The following SAE1 variants were observed in gnomAD, a reference collection of about 807,000 sequenced individuals.
The protein encoded by SAE1 is SUMO1 activating enzyme subunit 1.
A neutral mutation model predicts 40.6 loss-of-function variants in SAE1; 11 were observed. The ratio of observed to expected loss-of-function variants is 0.27; its 90% CI spans 0.17 to 0.45. The LOEUF (loss-of-function observed/expected upper bound fraction) is 0.45. SAE1 is among the 20% of genes least tolerant of loss of function. The probability of loss-of-function intolerance (pLI) is 1.00; values close to 1 mark genes in which losing one functional copy is unlikely to be tolerated. For synonymous variants in SAE1, 155 were observed against 154.3 expected (o/e 1.00, Z -0.03); for missense variants, 373 against 427.3 (o/e 0.87, Z 1.12).
chr19:47,170,697 G>A (rs1262965861), intron 6 of SAE1, among the ~76,000 whole-genome samples: 6 of 151,880 alleles, frequency 4.0e-5, no homozygotes, highest in Admixed American at 1.3e-4. Context: ...TTGTAGAAGC[G>A]AAGTTTCTCC....
intron 5 of SAE1, among the ~76,000 whole-genome samples, chr19:47,169,150 A>G (rs1453415708): frequency 1.3e-5 from 2 of 152,182 alleles, no homozygotes; most frequent in Non-Finnish European, 2.9e-5. Flanking sequence ...TTTGTTTACT[A>G]TTACAAAAAT....
At chr19:47,201,833 A>T (rs1347941718) in intron 7 of SAE1, among the ~76,000 whole-genome samples, 5 of 152,022 alleles carry the variant, frequency 3.3e-5, no homozygotes. Flanking sequence ...GGGTTTCACT[A>T]TGTAGGTCAA....
intron 6 of SAE1, among the ~76,000 whole-genome samples, chr19:47,182,939 A>T (rs773308439): frequency 8.6e-5 from 13 of 152,008 alleles, no homozygotes; most frequent in Non-Finnish European, 8.8e-5. Flanking sequence ...TTTTTTTGAA[A>T]CAGTCTCGTT....
intron 8 of SAE1, among the ~76,000 whole-genome samples, chr19:47,208,579 C>T (rs1414178632): frequency 2.0e-5 from 3 of 152,102 alleles, no homozygotes; most frequent in African/African-American, 4.8e-5. Context: ...TAGCATGCCA[C>T]CATACTCGGC....
intron 1 of SAE1, among the ~76,000 whole-genome samples, chr19:47,132,024 T>G (rs2058147194): frequency 6.6e-6 from 1 of 151,756 alleles, no homozygotes; most frequent in Admixed American, 6.6e-5. Context: ...TGCAGTTGGG[T>G]GACCTCGGTT....
chr19:47,131,159 C>T (rs770181441), intron 1 of SAE1, 131 bp downstream of exon 1: 204 of 1,424,670 alleles, frequency 1.4e-4, no homozygotes, highest in Non-Finnish European at 1.8e-4. Context: ...CTGGGATCGT[C>T]TCTCTCTTGG....
chr19:47,171,812 A>G (rs972567892), intron 6 of SAE1, among the ~76,000 whole-genome samples: 5 of 152,146 alleles, frequency 3.3e-5, no homozygotes, highest in African/African-American at 1.2e-4. Context: ...CATGTTGGCC[A>G]GGCTGGTCTT....
At chr19:47,164,362 T>A (rs2058376957) in intron 5 of SAE1, among the ~76,000 whole-genome samples, 1 of 151,694 alleles carries the variant, frequency 6.6e-6, no homozygotes. Flanking sequence ...TAGAGACGGG[T>A]TTCACCGTGT....
At chr19:47,131,954 G>A (rs1371432977) in intron 1 of SAE1, among the ~76,000 whole-genome samples, 2 of 151,800 alleles carry the variant, frequency 1.3e-5, no homozygotes, top group Non-Finnish European at 2.9e-5. Context: ...ACCCGCCTCG[G>A]CCTCCTGAAG....
rs2058702140 is a variant in SAE1 at position 47,209,385 on chromosome 19, C to T, written c.*134C>T. The T allele has an allele frequency of 3.4e-6, 5 of 1,482,032 alleles. No individual in the cohort carries two copies. The Admixed American group carries it at 6.2e-5, about 19-fold the overall frequency. 91.8% of individuals were successfully genotyped at this position (1,482,032 alleles called of 1,614,324 possible). On this transcript the variant is annotated 3_prime_UTR_variant, in exon 9 of 9. Transcript: ENST00000270225. ...GCCCGATACAAAACATTTCCTGCAA[C>T]GAAGGAGGTGGTGCCGACGTGCTGC...
intron 6 of SAE1, among the ~76,000 whole-genome samples, chr19:47,178,135 G>T (rs979852466): frequency 6.6e-6 from 1 of 152,036 alleles, no homozygotes; most frequent in Admixed American, 6.6e-5. Context: ...CAGCTACTCG[G>T]GAGGGGGAGG....
intron 2 of SAE1, among the ~76,000 whole-genome samples, chr19:47,145,649 C>T (rs1311572703): frequency 1.3e-5 from 2 of 151,876 alleles, no homozygotes; most frequent in Admixed American, 6.6e-5. Flanking sequence ...GACACAACCT[C>T]AGCTCACTGC....
intron 5 of SAE1, among the ~76,000 whole-genome samples, chr19:47,165,906 T>TA (rs781498775): frequency 1.3e-4 from 20 of 152,204 alleles, no homozygotes; most frequent in Non-Finnish European, 2.6e-4. Flanking sequence ...GCATTGTCAT[T>TA]ATGTGTATCT....
chr19:47,204,351 C>T (rs1393591812), intron 8 of SAE1, among the ~76,000 whole-genome samples: 1 of 151,650 alleles, frequency 6.6e-6, no homozygotes, highest in Non-Finnish European at 1.5e-5. Context: ...GCGCCTGCCA[C>T]CACGCCCAGC....
chr19:47,150,074 C>CAAAA, intron 2 of SAE1, 128 bp from the exon 3 acceptor site: 116 of 339,186 alleles, frequency 3.4e-4, no homozygotes, highest in South Asian at 6.3e-4. Flanking sequence ...AAGACTGTCT[C>CAAAA]AAAAAAAAAA....
intron 2 of SAE1, among the ~76,000 whole-genome samples, chr19:47,148,537 C>G (rs1230658981): frequency 6.6e-6 from 1 of 151,790 alleles, no homozygotes; most frequent in Non-Finnish European, 1.5e-5. Flanking sequence ...CTTTGAGGCT[C>G]TGCTCTGCTG....
Position 47,130,997 on chromosome 19 carries a change from A to G in SAE1, c.67A>G (p.Ile23Val). The change falls in exon 1 of 9, where the codon ATC (isoleucine) becomes GTC (valine). Residue 23 changes from isoleucine to valine, a missense_variant. Physicochemically the swap from Ile to Val is conservative, Grantham distance 29. This residue lies in a region of SAE1 where 4 missense variants were observed against 18.7 expected (regional missense o/e 0.21). Transcript: ENST00000270225. ...GGAGGCGGCACAGTATGACCGGCAG[A>G]TCCGCCTGTGGGGACTGGAGGCCCA... ...EEEAAQYDRQ[I>V]RLWGLEAQKR... 6.5e-7 allele frequency: 1 copy of G among 1,546,990 alleles called. No individual in the cohort carries two copies. Among genetic ancestry groups the G allele is most frequent in the Non-Finnish European group, 8.7e-7 (1 of 1,145,218 alleles).
At chr19:47,208,668 G>A (rs546744929) in intron 8 of SAE1, among the ~76,000 whole-genome samples, 19 of 152,142 alleles carry the variant, frequency 1.2e-4, no homozygotes, top group Middle Eastern at 3.4e-3. Flanking sequence ...CAGGTGATCC[G>A]CCCACTTCAG....
chr19:47,201,288 C>A (rs987521238), intron 7 of SAE1, among the ~76,000 whole-genome samples: 2 of 147,286 alleles, frequency 1.4e-5, no homozygotes, highest in African/African-American at 5.1e-5. Flanking sequence ...ACCTCATGAT[C>A]CACCCAGCTT....
Sources: allele counts gnomAD v4.1 joint callset (sites outside exome capture counted in the v4.1 genomes callset), GRCh38; gene constraint gnomAD v4.1.1; regional missense constraint gnomAD v4.1.1; transcripts MANE v1.5; gene names NCBI Gene and HGNC (gene_info 2026-07-23, HGNC 2026-07-21).